HLTF: variants seen among roughly 807,000 people sequenced by gnomAD.
The protein encoded by HLTF is DNA-dependent ATPase/E3 ubiquitin-protein ligase HLTF.
A neutral mutation model predicts 129.4 loss-of-function variants in HLTF; 127 were observed. The observed-to-expected ratio is 0.98, with a 90% CI of 0.85 to 1.14. The LOEUF (loss-of-function observed/expected upper bound fraction) is 1.14. Among genes scored for constraint, HLTF ranks in the 50% most tolerant of loss-of-function variants. The pLI is 0.00. For missense variants in HLTF, 1,139 were observed against 1,187.1 expected, an observed-to-expected ratio of 0.96 and a Z score of 0.60; for synonymous variants, 332 against 388.8, an observed-to-expected ratio of 0.85 and a Z score of 1.72.
intron 2 of HLTF, among the ~76,000 whole-genome samples, chr3:149,079,503 T>G (rs1407436258): frequency 2.6e-5 from 2 of 76,532 alleles, no homozygotes; most frequent in African/African-American, 4.8e-5. Flanking sequence ...TCTTTGTTGA[T>G]AGGTATACTA....
chr3:149,049,108 T>C (rs747249635), intron 15 of HLTF, 107 bp from the exon 16 acceptor site: 160 of 689,184 alleles, frequency 2.3e-4, no homozygotes, highest in Non-Finnish European at 3.4e-4. Flanking sequence ...ATTTACTATG[T>C]GCTAGGTACT....
At chr3:149,045,359 T>G (rs1716456161) in intron 18 of HLTF, among the ~76,000 whole-genome samples, 1 of 152,200 alleles carries the variant, frequency 6.6e-6, no homozygotes, top group Admixed American at 6.5e-5. Flanking sequence ...CCTTAAAACT[T>G]AATCATGTTT....
At chr3:149,038,743 G>A (rs1268276051) in intron 23 of HLTF, among the ~76,000 whole-genome samples, 1 of 152,052 alleles carries the variant, frequency 6.6e-6, no homozygotes, top group African/African-American at 2.4e-5. Flanking sequence ...AAACTCCTGA[G>A]CTCAGGCAAT....
At position 149,084,783 on chromosome 3, in the gene HLTF, T is replaced by A; in HGVS notation, c.127A>T (p.Ile43Phe). 6.2e-7 allele frequency: 1 copy of A among 1,614,044 alleles called. No individual in the cohort carries two copies. Residue 43 changes from isoleucine (I) to phenylalanine (F), a missense_variant, in exon 2 of 25, where the codon ATC becomes TTC. Ile to Phe is a conservative substitution (Grantham distance 21). Coordinates refer to ENST00000310053, the MANE Select transcript of HLTF (RefSeq NM_003071.4). ...FFPRFEFQDV[I>F]PPDDFLTSDE... ...CTAGTTAGAAAGTCATCTGGAGGGA[T>A]AACATCTTGGAATTCAAAACGTGGA...
intron 16 of HLTF, 124 bp from the exon 17 acceptor site, chr3:149,048,287 A>G: frequency 1.8e-6 from 1 of 566,052 alleles, no homozygotes; most frequent in South Asian, 3.4e-5. Context: ...ATCATTATCA[A>G]TTAAATTAAA....
rs1320645105 is a variant in HLTF, at chr3:149,059,744, G to A, written c.1349C>T (p.Thr450Ile). ...CTTTTTCAACATTTTCTTTTTTGTT[G>A]TAGGAACAGATGAAGTTAATGCACA... ...FACALTSSVP[T>I]TKKKMLKKGA... The change falls in exon 13 of 25, where the codon ACA (threonine) becomes ATA (isoleucine). Residue 450 changes from threonine to isoleucine, a missense_variant. Thr to Ile is a moderately conservative substitution (Grantham distance 89, BLOSUM62 -1). Transcript: ENST00000310053. 6.3e-7 allele frequency: 1 copy of A among 1,597,234 alleles called. No individual in the cohort carries two copies. The highest frequency in any genetic ancestry group is 1.7e-5 in the Admixed American group (1 of 57,300).
intron 7 of HLTF, among the ~76,000 whole-genome samples, chr3:149,069,032 C>T (rs1264682924): frequency 1.3e-5 from 2 of 152,146 alleles, no homozygotes; most frequent in African/African-American, 4.8e-5. Flanking sequence ...ACTCTGTTAA[C>T]ATCTGCACTA....
rs1450075994 is a variant in HLTF, at chr3:149,030,866, T to C, written c.*1354A>G. 6.6e-6 allele frequency: 1 copy of C among 152,208 alleles called. No individual in the cohort carries two copies. The highest frequency in any genetic ancestry group is 2.4e-5 in the African/African-American group (1 of 41,452). The allele number at this position is 152,208 out of a possible 1,614,324, so 9.4% of individuals were successfully genotyped here. A position where few individuals can be genotyped will look rare whatever the true frequency, so the allele number is the denominator to read the frequency against. On this transcript the variant is annotated 3_prime_UTR_variant, in exon 25 of 25. Coordinates refer to ENST00000310053, the MANE Select transcript of HLTF (RefSeq NM_003071.4). ...AGAAAAGGACTTATCTGGTGAGAGA[T>C]TTGGCATATACCTTCAATGTGTGCC...
At position 149,031,841 on chromosome 3, in the gene HLTF, C is replaced by CT. The variant is rs1430986404; in HGVS notation, c.*378dup. ...ACAAATCGGAGGCTTTGGTAAATAACTAAGTGTCCAACATAGAAAATAACT... is the reference window on the plus strand; with the variant it reads ...ACAAATCGGAGGCTTTGGTAAATAACTTAAGTGTCCAACATAGAAAATAACT... On this transcript the variant is annotated 3_prime_UTR_variant, in exon 25 of 25. Transcript: ENST00000310053. 1 of 153,856 alleles carries CT rather than the reference C, an allele frequency of 6.5e-6. No homozygotes were observed. The highest frequency in any genetic ancestry group is 1.4e-5 in the Non-Finnish European group (1 of 69,332). The allele number at this position is 153,856 out of a possible 1,614,324, so 9.5% of individuals were successfully genotyped here.
intron 2 of HLTF, among the ~76,000 whole-genome samples, chr3:149,077,018 G>A (rs1352047400): frequency 1.3e-5 from 2 of 152,060 alleles, no homozygotes; most frequent in Non-Finnish European, 2.9e-5. Context: ...GGAGGCCGAG[G>A]TGGGAAGATC....
At chr3:149,048,215 A>C in intron 16 of HLTF, 52 bp from the exon 17 acceptor site, 1 of 1,483,200 alleles carries the variant, frequency 6.7e-7, no homozygotes, top group Non-Finnish European at 9.1e-7. Flanking sequence ...ATCCAGTAAG[A>C]GTATCTATTT....
intron 3 of HLTF, among the ~76,000 whole-genome samples, chr3:149,075,300 G>A (rs1719249147): frequency 6.6e-6 from 1 of 152,162 alleles, no homozygotes; most frequent in African/African-American, 2.4e-5. Context: ...TGTAATCCCA[G>A]CATTTTGGGA....
chr3:149,063,456 C>T lies in HLTF; in HGVS notation c.1135G>A (p.Glu379Lys), dbSNP rs201963102. The change falls in exon 10 of 25, where the codon GAA becomes AAA. Residue 379 changes from glutamate to lysine, a missense_variant. Coordinates refer to ENST00000310053, the MANE Select transcript of HLTF (RefSeq NM_003071.4). The stretch of plus-strand genomic sequence containing the variant: ...CTTTTGGGGCGGGAGCTAGACAATT[C>T]TGACATGCGAAACTTACTCTTCTCC... ...IKEKSKFRMS[E>K]LSSSRPKRRK... is the part of the protein sequence containing the mutation. 10 of 1,607,186 alleles carry T rather than the reference C, an allele frequency of 6.2e-6. No individual in the cohort carries two copies. In the Admixed American group the frequency reaches 1.7e-4, roughly 27 times the overall value.
intron 24 of HLTF, 91 bp downstream of exon 24, chr3:149,034,827 C>T (rs1715431157): frequency 1.2e-6 from 1 of 834,838 alleles, no homozygotes; most frequent in East Asian, 2.6e-5. Flanking sequence ...TGCATAATTA[C>T]ACTCAATCAT....
chr3:149,065,601 G>A (rs1032758148), intron 8 of HLTF, among the ~76,000 whole-genome samples: 5 of 152,060 alleles, frequency 3.3e-5, no homozygotes, highest in Admixed American at 1.3e-4. Context: ...AGACCGAGGC[G>A]GGCGGATCAC....
intron 2 of HLTF, among the ~76,000 whole-genome samples, chr3:149,083,987 T>C (rs1720116604): frequency 6.6e-6 from 1 of 152,126 alleles, no homozygotes; most frequent in South Asian, 2.1e-4. Flanking sequence ...CTGAGAATTC[T>C]ATGCAACATT....
chr3:149,058,141 A>C (rs1717630079), intron 13 of HLTF, among the ~76,000 whole-genome samples: 1 of 152,164 alleles, frequency 6.6e-6, no homozygotes, highest in Non-Finnish European at 1.5e-5. Flanking sequence ...TCTGTCACCC[A>C]GGCTGGAATG....
chr3:149,061,108 T>A (rs1717904932), intron 10 of HLTF, among the ~76,000 whole-genome samples: 1 of 152,148 alleles, frequency 6.6e-6, no homozygotes, highest in Non-Finnish European at 1.5e-5. Flanking sequence ...CTCACTCTTT[T>A]GCCCAGGATG....
intron 5 of HLTF, 37 bp downstream of exon 5, chr3:149,073,183 TTAAAA>T (rs772754144): frequency 2.2e-6 from 3 of 1,376,622 alleles, no homozygotes; most frequent in Non-Finnish European, 3.0e-6. Flanking sequence ...CCTGCAACAT[TTAAAA>T]TTCACTTTTA....
Sources: allele counts gnomAD v4.1 joint callset (sites outside exome capture counted in the v4.1 genomes callset), GRCh38; gene constraint gnomAD v4.1.1; transcripts MANE v1.5; gene names NCBI Gene and HGNC (gene_info 2026-07-23, HGNC 2026-07-21).